The following DSCAM variants were observed in gnomAD, a reference collection of about 807,000 sequenced individuals.
The protein encoded by DSCAM is cell adhesion molecule DSCAM.
Under a neutral mutation model 217.7 loss-of-function variants are expected in DSCAM, and 47 were observed. The observed-to-expected ratio is 0.22, with a 90% CI of 0.17 to 0.28. The LOEUF is 0.28. Ranked by LOEUF, DSCAM falls within the 10% of genes least tolerant of loss-of-function variation. The probability of loss-of-function intolerance (pLI) is 1.00; values close to 1 mark genes in which losing one functional copy is unlikely to be tolerated. For missense variants in DSCAM, 2,080 were observed against 2,618.3 expected (o/e 0.79, Z 4.49); for synonymous variants, 1,056 against 1,015.3 (o/e 1.04, Z -0.76).
chr21:40,435,523 AC>A (rs2075575012), intron 3 of DSCAM, among the ~76,000 whole-genome samples: 1 of 143,838 alleles, frequency 7.0e-6, no homozygotes, highest in Non-Finnish European at 1.5e-5. Flanking sequence ...AATAAATAAT[AC>A]AAATTTAAAA....
intron 1 of DSCAM, among the ~76,000 whole-genome samples, chr21:40,809,808 G>C (rs1266870090): frequency 6.6e-6 from 1 of 152,148 alleles, no homozygotes; most frequent in Non-Finnish European, 1.5e-5. Flanking sequence ...TTAAAGAAAG[G>C]TTTAACAGAA....
chr21:40,521,265 G>A (rs140689227), intron 3 of DSCAM, among the ~76,000 whole-genome samples: 48 of 152,284 alleles, frequency 3.2e-4, no homozygotes, highest in Middle Eastern at 6.8e-3. Context: ...TCCTTTGGAT[G>A]TACACTCAGG....
intron 10 of DSCAM, among the ~76,000 whole-genome samples, chr21:40,286,033 C>A (rs762286262): frequency 6.6e-6 from 1 of 152,016 alleles, no homozygotes; most frequent in Non-Finnish European, 1.5e-5. Flanking sequence ...CAGAGCAAGA[C>A]AAATGGTGAG....
At chr21:40,256,847 C>A (rs2073379034) in intron 11 of DSCAM, among the ~76,000 whole-genome samples, 1 of 152,138 alleles carries the variant, frequency 6.6e-6, no homozygotes, top group South Asian at 2.1e-4. Context: ...AACTCGGCAT[C>A]CATGCACGTC....
At chr21:40,359,390 C>G (rs1370534588) in intron 4 of DSCAM, among the ~76,000 whole-genome samples, 4 of 152,148 alleles carry the variant, frequency 2.6e-5, no homozygotes, top group Non-Finnish European at 5.9e-5. Flanking sequence ...TTGTGGTATA[C>G]TTGCCAAATA....
intron 3 of DSCAM, among the ~76,000 whole-genome samples, chr21:40,542,308 G>C (rs2076548605): frequency 6.6e-6 from 1 of 152,228 alleles, no homozygotes; most frequent in Admixed American, 6.5e-5. Context: ...GGGTAACGAT[G>C]TCACAAGAAA....
chr21:40,026,459 G>C (rs1228647064), intron 32 of DSCAM, among the ~76,000 whole-genome samples: 1 of 140,306 alleles, frequency 7.1e-6, no homozygotes, highest in African/African-American at 2.7e-5. Flanking sequence ...TCTGTCTAAT[G>C]TTGACAGTGG....
chr21:40,241,267 AT>A (rs1166439369), intron 11 of DSCAM, among the ~76,000 whole-genome samples: 1 of 152,218 alleles, frequency 6.6e-6, no homozygotes, highest in Non-Finnish European at 1.5e-5. Flanking sequence ...TTTAGTATCT[AT>A]AGGAATGTAA....
chr21:40,255,488 A>T (rs1295459907), intron 11 of DSCAM, among the ~76,000 whole-genome samples: 1 of 152,198 alleles, frequency 6.6e-6, no homozygotes, highest in Non-Finnish European at 1.5e-5. Context: ...ATGTTACTGT[A>T]CACAGTGAAA....
rs118047909 is a variant in DSCAM, at chr21:40,242,897, C to A, written c.2356+33200G>T. 3.4e-3 allele frequency among the ~76,000 whole-genome samples: 523 copies of A among 152,348 alleles called. 5 individuals carry two copies. Among genetic ancestry groups the A allele is most frequent in the South Asian group, 0.017 (82 of 4,826 alleles). Reference sequence around the variant, plus strand: ...ACTTTTCTGGATCTGTTTCCCACCACTCATTTCCACCTCACGTACAGCTCT... The same window carrying A: ...ACTTTTCTGGATCTGTTTCCCACCAATCATTTCCACCTCACGTACAGCTCT... On this transcript the variant is annotated intron_variant, in intron 11 of 32. Transcript: ENST00000400454.
chr21:40,206,030 T>C (rs1304434675), intron 11 of DSCAM, among the ~76,000 whole-genome samples: 1 of 152,290 alleles, frequency 6.6e-6, no homozygotes, highest in East Asian at 1.9e-4. Context: ...TGCTTCCTCT[T>C]AGAGAGCCTG....
At chr21:40,658,425 C>T (rs1029274532) in intron 3 of DSCAM, among the ~76,000 whole-genome samples, 1 of 152,154 alleles carries the variant, frequency 6.6e-6, no homozygotes, top group African/African-American at 2.4e-5. Context: ...AAGTGGTTTG[C>T]ACTTCATAAG....
At chr21:40,353,392 T>A in intron 5 of DSCAM, 73 bp downstream of exon 5, 1 of 1,561,986 alleles carries the variant, frequency 6.4e-7, no homozygotes, top group Non-Finnish European at 8.6e-7. Flanking sequence ...AGAGAAAACA[T>A]GGAGATTTGC....
At chr21:40,471,786 C>CTT (rs1361352973) in intron 3 of DSCAM, among the ~76,000 whole-genome samples, 1 of 152,152 alleles carries the variant, frequency 6.6e-6, no homozygotes, top group East Asian at 1.9e-4. Flanking sequence ...TTTTACTTTA[C>CTT]TTAATTTTTA....
At chr21:40,587,364 T>C (rs2076954253) in intron 3 of DSCAM, among the ~76,000 whole-genome samples, 1 of 152,238 alleles carries the variant, frequency 6.6e-6, no homozygotes, top group Non-Finnish European at 1.5e-5. Flanking sequence ...ACACTGATTT[T>C]AGTGAGTATA....
rs1002019763 is a variant in DSCAM at position 40,024,695 on chromosome 21, G to T, written c.5687-11309C>A. 1.0e-3 allele frequency among the ~76,000 whole-genome samples: 75 copies of T among 73,684 alleles called. 25 individuals are homozygous for T. The highest frequency in any genetic ancestry group is 1.9e-3 in the Non-Finnish European group (67 of 34,388). 48.3% of individuals were successfully genotyped at this position (73,684 alleles called of 152,430 possible). ...TTGTCTGTTATTGGTGTATAAGAAT[G>T]CTTGTGACTTTTGTACATTGATTTT... On this transcript the variant is annotated intron_variant, in intron 32 of 32. Coordinates refer to ENST00000400454, the MANE Select transcript of DSCAM (RefSeq NM_001389.5).
chr21:40,644,532 GC>G (rs962502942), intron 3 of DSCAM, among the ~76,000 whole-genome samples: 44 of 152,156 alleles, frequency 2.9e-4, no homozygotes, highest in Non-Finnish European at 5.7e-4. Flanking sequence ...TCCACTGTGG[GC>G]CAAGTCTTCA....
At chr21:40,563,933 T>G in intron 3 of DSCAM, among the ~76,000 whole-genome samples, 1 of 152,090 alleles carries the variant, frequency 6.6e-6, no homozygotes, top group East Asian at 1.9e-4. Context: ...GAGCCTCCTA[T>G]GAAAAAGCAC....
intron 11 of DSCAM, among the ~76,000 whole-genome samples, chr21:40,271,050 A>G (rs1388669574): frequency 6.6e-6 from 1 of 152,238 alleles, no homozygotes; most frequent in East Asian, 1.9e-4. Flanking sequence ...AAATCATAAC[A>G]TGGAGATCTG....
Sources: allele counts gnomAD v4.1 joint callset (sites outside exome capture counted in the v4.1 genomes callset), GRCh38; gene constraint gnomAD v4.1.1; transcripts MANE v1.5; gene names NCBI Gene and HGNC (gene_info 2026-07-23, HGNC 2026-07-21).